Variants in RASGRF2 observed in about 807,000 individuals in gnomAD.
RASGRF2 encodes the protein Ras protein specific guanine nucleotide releasing factor 2, also known as ras-specific guanine nucleotide-releasing factor 2.
Under a neutral mutation model 151.0 loss-of-function variants are expected in RASGRF2, and 76 were observed. That is an observed-to-expected ratio of 0.50 (90% CI 0.42 to 0.61). The LOEUF (loss-of-function observed/expected upper bound fraction) is 0.61. RASGRF2 is among the 20% of genes least tolerant of loss of function. The probability of loss-of-function intolerance (pLI) is 0.00; values close to 1 mark genes in which losing one functional copy is unlikely to be tolerated. For missense variants in RASGRF2, 1,148 were observed against 1,564.6 expected, an observed-to-expected ratio of 0.73 and a Z score of 4.49; for synonymous variants, 504 against 566.5, an observed-to-expected ratio of 0.89 and a Z score of 1.57.
At chr5:81,080,528 A>T in intron 6 of RASGRF2, 68 bp from the exon 7 acceptor site, 1 of 1,466,978 alleles carries the variant, frequency 6.8e-7, no homozygotes, top group African/African-American at 1.4e-5. Flanking sequence ...ACTCTTTGCC[A>T]TTCCTGCCCA....
intron 17 of RASGRF2, among the ~76,000 whole-genome samples, chr5:81,141,830 A>G (rs1753892408): frequency 1.3e-5 from 2 of 152,174 alleles, no homozygotes; most frequent in South Asian, 4.1e-4. Flanking sequence ...GATTTCATTC[A>G]CAGCATTGTG....
intron 17 of RASGRF2, among the ~76,000 whole-genome samples, chr5:81,127,637 T>C (rs1753494057): frequency 6.6e-6 from 1 of 151,994 alleles, no homozygotes; most frequent in African/African-American, 2.4e-5. Context: ...GAAATCTCCT[T>C]ATTTGGCCAG....
chr5:81,068,642 A>G (rs26420), intron 3 of RASGRF2, among the ~76,000 whole-genome samples: 17,081 of 152,218 alleles, frequency 0.11, 1,252 homozygotes, highest in Non-Finnish European at 0.16. Flanking sequence ...TTTTGAAAAG[A>G]ACATTTGGAT....
chr5:81,026,130 C>G (rs1459400858), intron 1 of RASGRF2, among the ~76,000 whole-genome samples: 5 of 141,606 alleles, frequency 3.5e-5, no homozygotes, highest in African/African-American at 1.3e-4. Flanking sequence ...CTCTTTCCCT[C>G]CCTTTCTCCC....
rs1039860873 is a variant in RASGRF2, at chr5:81,112,944, T to C, written c.2087+86T>C. ...ACCATGAGGATGAGCAGGCCAGCTC[T>C]GCAAAGCAGCTCCTAGGGTGTACTA... On this transcript the variant is annotated intron_variant, in intron 14 of 26. Transcript: ENST00000265080. The C allele has an allele frequency of 5.8e-6, 9 of 1,539,826 alleles. No individual in the cohort carries two copies. In the African/African-American group the frequency reaches 1.1e-4, roughly 19 times the overall value.
At chr5:81,210,493 G>A (rs746075273) in intron 22 of RASGRF2, among the ~76,000 whole-genome samples, 2 of 152,198 alleles carry the variant, frequency 1.3e-5, no homozygotes, top group Non-Finnish European at 2.9e-5. Context: ...CTACATGGCT[G>A]TGATCACAAG....
At chr5:81,021,924 C>T (rs185748711) in intron 1 of RASGRF2, among the ~76,000 whole-genome samples, 2 of 152,224 alleles carry the variant, frequency 1.3e-5, no homozygotes, top group African/African-American at 4.8e-5. Flanking sequence ...TGAGAGAAGT[C>T]ATGGGACAGG....
intron 17 of RASGRF2, among the ~76,000 whole-genome samples, chr5:81,174,688 T>C (rs1185321341): frequency 6.6e-6 from 1 of 152,202 alleles, no homozygotes; most frequent in Admixed American, 6.5e-5. Flanking sequence ...TTTAAACTTT[T>C]TTATTGCAAT....
At position 81,085,819 on chromosome 5, in the gene RASGRF2, C is replaced by G. The variant is rs1235345408; in HGVS notation, c.1179C>G (p.Ile393Met). ...YPMFQIPRYI[I>M]TLHELLAHTP... is the part of the protein sequence containing the mutation. ...GCATCTAGATCCCCAGATATATCAT[C>G]ACACTCCATGAGCTCCTTGCTCACA... The change falls in exon 8 of 27, where the codon ATC becomes ATG. Residue 393 changes from isoleucine (I) to methionine (M), a missense_variant. Transcript: ENST00000265080. The G allele has an allele frequency of 6.2e-7, 1 of 1,614,108 alleles. No homozygotes were observed. The highest frequency in any genetic ancestry group is 2.2e-5 in the East Asian group (1 of 44,878).
At chr5:81,154,268 T>C (rs983328743) in intron 17 of RASGRF2, among the ~76,000 whole-genome samples, 1 of 152,232 alleles carries the variant, frequency 6.6e-6, no homozygotes, top group East Asian at 1.9e-4. Flanking sequence ...TTTGGGGTTT[T>C]TTTAGACAGA....
chr5:81,029,642 T>A (rs996915198), intron 1 of RASGRF2, among the ~76,000 whole-genome samples: 2 of 152,200 alleles, frequency 1.3e-5, no homozygotes, highest in African/African-American at 2.4e-5. Context: ...CAAAACCCCA[T>A]CTGCACGTCA....
At chr5:81,184,606 T>C (rs1196715687) in intron 18 of RASGRF2, among the ~76,000 whole-genome samples, 1 of 152,192 alleles carries the variant, frequency 6.6e-6, no homozygotes, top group Non-Finnish European at 1.5e-5. Flanking sequence ...CTGGGTACTG[T>C]CTGAATGACA....
At position 81,027,444 on chromosome 5, in the gene RASGRF2, A is replaced by G. The variant is rs575930019; in HGVS notation, c.289-15433A>G. On this transcript the variant is annotated intron_variant, in intron 1 of 26. Transcript: ENST00000265080. ...ATAGTGATAAAAAAACTCCTCACCC[A>G]TTAGCAGTCACTCTGCTCTGCCCAT... 3.9e-5 allele frequency among the ~76,000 whole-genome samples: 6 copies of G among 152,310 alleles called. No individual in the cohort carries two copies. The South Asian group carries it at 1.2e-3, about 32-fold the overall frequency.
chr5:81,034,881 G>A (rs1357841100), intron 1 of RASGRF2, among the ~76,000 whole-genome samples: 1 of 151,350 alleles, frequency 6.6e-6, no homozygotes, highest in Admixed American at 6.6e-5. Flanking sequence ...GCACCAGCAT[G>A]GCACATGTAT....
rs951384902 is a variant in RASGRF2, at chr5:81,188,149, G to A, written c.2793+7868G>A. Among the ~76,000 whole-genome samples the A allele has an allele frequency of 3.9e-5, 6 of 152,208 alleles. No individual in the cohort carries two copies. The South Asian group carries it at 1.2e-3, about 32-fold the overall frequency. On this transcript the variant is annotated intron_variant, in intron 18 of 26. Coordinates refer to ENST00000265080, the MANE Select transcript of RASGRF2 (RefSeq NM_006909.3). ...CAGCCCTGCCCTCCTCATCCATCCG[G>A]GCTCGTGTCAGTTGGCCACAGGGTA...
chr5:80,992,926 A>G (rs1748700922), intron 1 of RASGRF2, among the ~76,000 whole-genome samples: 1 of 152,250 alleles, frequency 6.6e-6, no homozygotes, highest in South Asian at 2.1e-4. Flanking sequence ...TCCTTGAGTC[A>G]GTGATTGATA....
intron 1 of RASGRF2, among the ~76,000 whole-genome samples, chr5:81,003,187 C>T (rs189435808): frequency 2.1e-5 from 3 of 144,830 alleles, no homozygotes; most frequent in Admixed American, 1.4e-4. Flanking sequence ...TCCCGAGTAG[C>T]GGGATTATGG....
At chr5:81,114,006 T>G in intron 15 of RASGRF2, 86 bp downstream of exon 15, 1 of 1,448,064 alleles carries the variant, frequency 6.9e-7, no homozygotes, top group Non-Finnish European at 9.3e-7. Context: ...ACTGGTTCCC[T>G]TTCTTTACAA....
In RASGRF2 at chr5:81,073,450, C is replaced by T; in HGVS notation, c.885C>T (p.Asn295=). Residue 295 remains asparagine, a splice_region_variant and synonymous_variant, in exon 5 of 27, where the codon AAC becomes AAT. Transcript: ENST00000265080. ...ACGACGTCAGCAGTATTTTTCTTAA[C>T]AGGTTTGACATTGCATAAATCAAAG... ...SHDDVSSIFL[N]SETIMFLHEI... 6.2e-7 allele frequency: 1 copy of T among 1,613,428 alleles called. No homozygotes were observed. Among genetic ancestry groups the T allele is most frequent in the African/African-American group, 1.3e-5 (1 of 74,964 alleles).
Sources: gnomAD v4.1 joint callset for allele counts (sites outside exome capture counted in the v4.1 genomes callset) on GRCh38, gnomAD v4.1.1 for gene constraint, MANE v1.5 for transcripts, NCBI Gene and HGNC (gene_info 2026-07-23, HGNC 2026-07-21) for gene names.